The following PTGS1 variants were observed in gnomAD, a reference collection of about 807,000 sequenced individuals.
PTGS1 encodes the protein prostaglandin-endoperoxide synthase 1, also known as prostaglandin G/H synthase 1.
A neutral mutation model predicts 63.0 loss-of-function variants in PTGS1; 40 were observed. The observed-to-expected ratio is 0.63, with a 90% CI of 0.49 to 0.83. The LOEUF is 0.83. Ranked by LOEUF, PTGS1 falls within the 40% of genes least tolerant of loss-of-function variation. PTGS1 has a pLI of 0.00. For missense variants in PTGS1, 709 were observed against 786.5 expected, an observed-to-expected ratio of 0.90 and a Z score of 1.18; for synonymous variants, 298 against 301.9, an observed-to-expected ratio of 0.99 and a Z score of 0.13.
intron 5 of PTGS1, 72 bp from the exon 6 acceptor site, chr9:122,381,299 T>C: frequency 6.7e-7 from 1 of 1,499,654 alleles, no homozygotes; most frequent in Non-Finnish European, 9.0e-7. Context: ...GTTTGCCTGG[T>C]GAGCCCAGAT....
At chr9:122,378,693 GC>G in intron 4 of PTGS1, 81 bp from the exon 5 acceptor site, 1 of 1,602,138 alleles carries the variant, frequency 6.2e-7, no homozygotes, top group Non-Finnish European at 8.5e-7. Context: ...GATAAAATAA[GC>G]CCCAACCCAG....
intron 7 of PTGS1, among the ~76,000 whole-genome samples, chr9:122,383,263 G>C (rs1837646624): frequency 6.7e-6 from 1 of 150,358 alleles, no homozygotes; most frequent in Non-Finnish European, 1.5e-5. Flanking sequence ...CCTGTCTGGG[G>C]ATAGGAGTGG....
rs201438872 is a variant in PTGS1, at chr9:122,395,259, A to T, written c.*2715A>T. On this transcript the variant is annotated 3_prime_UTR_variant, in exon 11 of 11. Coordinates refer to ENST00000362012, the MANE Select transcript of PTGS1 (RefSeq NM_000962.4). ...ACATGAAAGTTTTGCAAAGGGAAAC[A>T]GGCTAAATGCACCAAGAAAGCTTCT... 4.6e-5 allele frequency: 7 copies of T among 152,260 alleles called. No homozygotes were observed. Among genetic ancestry groups the T allele is most frequent in the Admixed American group, 1.3e-4 (2 of 15,290 alleles). The allele number at this position is 152,260 out of a possible 1,614,324, so 9.4% of individuals were successfully genotyped here.
At chr9:122,382,378 T>C (rs1035344368) in intron 7 of PTGS1, among the ~76,000 whole-genome samples, 3 of 152,222 alleles carry the variant, frequency 2.0e-5, no homozygotes, top group Admixed American at 6.5e-5. Flanking sequence ...AAATCTGGTG[T>C]ATATTTCACA....
chr9:122,382,389 C>T (rs571899990), intron 7 of PTGS1, among the ~76,000 whole-genome samples: 1 of 152,296 alleles, frequency 6.6e-6, no homozygotes, highest in Non-Finnish European at 1.5e-5. Context: ...ATATTTCACA[C>T]TCACAGGGCA....
chr9:122,381,672 C>T lies in PTGS1; in HGVS notation c.687C>T (p.Leu229=), dbSNP rs375152483. The change falls in exon 7 of 11, where the codon CTC becomes CTT. Residue 229 remains leucine (L), a synonymous_variant. Transcript: ENST00000362012. ...FTKALGHGVD[L]GHIYGDNLER... ...CCCCTCTCTGTCCACAGGTAGACCT[C>T]GGCCACATTTATGGAGACAATCTGG... 30 of 1,614,040 alleles carry T rather than the reference C, an allele frequency of 1.9e-5. No individual in the cohort carries two copies. The highest frequency in any genetic ancestry group is 1.6e-4 in the East Asian group (7 of 44,894).
At chr9:122,391,698 C>G (rs1401968552) in intron 10 of PTGS1, among the ~76,000 whole-genome samples, 1 of 150,948 alleles carries the variant, frequency 6.6e-6, no homozygotes, top group Non-Finnish European at 1.5e-5. Context: ...TTATTCTTTA[C>G]TCTCCCATGA....
chr9:122,371,595 C>A, intron 2 of PTGS1: 1 of 1,430,776 alleles, frequency 7.0e-7, no homozygotes, highest in Non-Finnish European at 9.1e-7. Context: ...CACCCAACAA[C>A]CCCGCTGTTT....
At position 122,378,812 on chromosome 9, in the gene PTGS1, C is replaced by G; in HGVS notation, c.390C>G (p.Asn130Lys). ...TTATCCCCAGTCCCCCCACCTACAA[C>G]TCAGCACATGACTACATCAGCTGGG... ...SNLIPSPPTY[N>K]SAHDYISWES... The change falls in exon 5 of 11, where the codon AAC becomes AAG. Residue 130 changes from asparagine to lysine, a missense_variant. Physicochemically the swap from Asn to Lys is moderately conservative, Grantham distance 94. Transcript: ENST00000362012. 6.2e-7 allele frequency: 1 copy of G among 1,614,260 alleles called. No individual in the cohort carries two copies. Among genetic ancestry groups the G allele is most frequent in the South Asian group, 1.1e-5 (1 of 91,090 alleles).
intron 2 of PTGS1, among the ~76,000 whole-genome samples, chr9:122,373,629 G>C (rs980673887): frequency 3.9e-5 from 6 of 152,216 alleles, no homozygotes; most frequent in Non-Finnish European, 7.4e-5. Context: ...CCAGGCAGAG[G>C]AGCCCCAGGC....
intron 9 of PTGS1, among the ~76,000 whole-genome samples, 186 bp from the exon 10 acceptor site, chr9:122,390,012 C>G (rs1417089654): frequency 6.6e-6 from 1 of 152,128 alleles, no homozygotes; most frequent in Admixed American, 6.5e-5. Context: ...AGAGGGGCTT[C>G]CTGAGAGAGC....
At chr9:122,370,896 T>A, upstream of PTGS1, 1 of 932,742 alleles carries the variant, frequency 1.1e-6, no homozygotes, top group Non-Finnish European at 1.6e-6. Context: ...GAGCATACAC[T>A]AATTAATAAA....
intron 5 of PTGS1, 34 bp downstream of exon 5, chr9:122,378,952 A>G: frequency 6.2e-7 from 1 of 1,612,336 alleles, no homozygotes. Context: ...CCTGGGGATT[A>G]CAGGAGGTGC....
intron 3 of PTGS1, 41 bp downstream of exon 3, chr9:122,378,056 C>T: frequency 1.3e-6 from 2 of 1,553,826 alleles, no homozygotes; most frequent in Non-Finnish European, 1.8e-6. Context: ...CGTCTTGAGC[C>T]CTTCTGCTCC....
chr9:122,390,252 A>T lies in PTGS1; in HGVS notation c.1351A>T (p.Ile451Phe), dbSNP rs1462203829. 2 of 1,614,010 alleles carry T rather than the reference A, an allele frequency of 1.2e-6. No homozygotes were observed. The highest frequency in any genetic ancestry group is 3.3e-5 in the Admixed American group (2 of 60,020). ...HHILHVAVDV[I>F]RESREMRLQP... ...CATCCTGCATGTGGCTGTGGATGTC[A>T]TCAGGGAGTCTCGGGAGATGCGGCT... The change falls in exon 10 of 11, where the codon ATC becomes TTC. Residue 451 changes from isoleucine (I) to phenylalanine (F), a missense_variant. Ile to Phe is a conservative substitution (Grantham distance 21). Transcript: ENST00000362012.
chr9:122,376,617 G>T (rs1186415622), intron 2 of PTGS1, among the ~76,000 whole-genome samples: 2 of 152,126 alleles, frequency 1.3e-5, no homozygotes, highest in Non-Finnish European at 2.9e-5. Flanking sequence ...ATAACCAGTT[G>T]CACAAAGAAT....
intron 2 of PTGS1, chr9:122,372,571 C>G (rs1231736086): frequency 6.6e-6 from 1 of 152,270 alleles, no homozygotes; most frequent in African/African-American, 2.4e-5. Context: ...TGAATCCTCA[C>G]AGTGAGCTGG....
At chr9:122,390,390 G>T (rs1218365383) in intron 10 of PTGS1, 45 bp downstream of exon 10, 24 of 1,600,144 alleles carry the variant, frequency 1.5e-5, no homozygotes, top group Non-Finnish European at 2.0e-5. Flanking sequence ...TTGAGGGACT[G>T]GCAGCAAAGT....
chr9:122,374,458 A>G (rs1440575866), intron 2 of PTGS1, among the ~76,000 whole-genome samples: 2 of 152,142 alleles, frequency 1.3e-5, no homozygotes, highest in African/African-American at 4.8e-5. Context: ...CCACTCTCTA[A>G]TACAGCTCTC....
Sources: allele counts gnomAD v4.1 joint callset (sites outside exome capture counted in the v4.1 genomes callset), GRCh38; gene constraint gnomAD v4.1.1; transcripts MANE v1.5; gene names NCBI Gene and HGNC (gene_info 2026-07-23, HGNC 2026-07-21).